Variants in VSNL1 observed in about 807,000 individuals in gnomAD.
VSNL1 encodes visinin-like protein 1.
VSNL1 carries 6 observed loss-of-function variants against 20.4 expected under a neutral mutation model. The ratio of observed to expected loss-of-function variants is 0.29; its 90% CI spans 0.16 to 0.58. VSNL1 has a LOEUF of 0.58. Among genes scored for constraint, VSNL1 ranks in the 20% least tolerant of loss-of-function variants. VSNL1 has a pLI of 0.90. For missense variants in VSNL1, 100 were observed against 234.5 expected, an observed-to-expected ratio of 0.43 and a Z score of 3.75; for synonymous variants, 93 against 86.4, an observed-to-expected ratio of 1.08 and a Z score of -0.42.
intron 1 of VSNL1, among the ~76,000 whole-genome samples, chr2:17,546,183 G>T (rs1177704548): frequency 6.6e-6 from 1 of 151,854 alleles, no homozygotes; most frequent in African/African-American, 2.4e-5. Flanking sequence ...TTTTTATGAG[G>T]CATTGCTTAT....
intron 1 of VSNL1, chr2:17,567,339 C>G (rs1441680857): frequency 7.2e-6 from 1 of 139,254 alleles, no homozygotes; most frequent in Non-Finnish European, 1.5e-5. Context: ...TAAAGAGAGT[C>G]TCATAGAGTC....
intron 2 of VSNL1, among the ~76,000 whole-genome samples, chr2:17,620,344 C>T (rs1665327513): frequency 6.6e-6 from 1 of 152,132 alleles, no homozygotes; most frequent in Non-Finnish European, 1.5e-5. Flanking sequence ...CTAAGTGGTT[C>T]ATTCTGGAAG....
chr2:17,564,989 T>G (rs1269647457), intron 1 of VSNL1, among the ~76,000 whole-genome samples: 1 of 152,208 alleles, frequency 6.6e-6, no homozygotes, highest in East Asian at 1.9e-4. Context: ...GAAATGTATT[T>G]TTTCCTAAAC....
chr2:17,655,499 AC>A lies in VSNL1; in HGVS notation c.*106del. The A allele has an allele frequency of 4.6e-6, 5 of 1,079,420 alleles. No homozygotes were observed. Among genetic ancestry groups the A allele is most frequent in the South Asian group, 3.1e-5 (2 of 63,790 alleles). The allele number at this position is 1,079,420 out of a possible 1,614,324, so 66.9% of individuals were successfully genotyped here. ...CACACACACACACACACACACACAC[AC>A]AAATATTGCTTGGACTACCTATAAA... On this transcript the variant is annotated 3_prime_UTR_variant, in exon 4 of 4. Transcript: ENST00000295156. The surrounding 1 kb of genome is among the most constrained non-coding windows in gnomAD (Gnocchi z 5.2).
At chr2:17,637,266 A>G (rs1665774309) in intron 2 of VSNL1, among the ~76,000 whole-genome samples, 1 of 152,216 alleles carries the variant, frequency 6.6e-6, no homozygotes, top group Non-Finnish European at 1.5e-5. Flanking sequence ...AAATATGGAA[A>G]TGTGCGAGAA....
intron 1 of VSNL1, among the ~76,000 whole-genome samples, chr2:17,559,610 G>A (rs1663766951): frequency 1.3e-5 from 2 of 152,128 alleles, no homozygotes; most frequent in South Asian, 4.1e-4. Context: ...GGGTAAACTA[G>A]AATTTATCTA....
chr2:17,572,643 G>C (rs1020790284), intron 1 of VSNL1, among the ~76,000 whole-genome samples: 2 of 152,208 alleles, frequency 1.3e-5, no homozygotes, highest in Non-Finnish European at 2.9e-5. Flanking sequence ...TCTATAGCTT[G>C]ATTGGAGTCA....
intron 1 of VSNL1, among the ~76,000 whole-genome samples, chr2:17,569,001 C>A (rs557555394): frequency 2.0e-5 from 3 of 152,108 alleles, no homozygotes; most frequent in Non-Finnish European, 4.4e-5. Flanking sequence ...TTTTCTTCAA[C>A]TTTTATGTTC....
intron 2 of VSNL1, among the ~76,000 whole-genome samples, chr2:17,645,075 G>GT (rs1448377201): frequency 6.6e-6 from 1 of 152,252 alleles, no homozygotes; most frequent in Non-Finnish European, 1.5e-5. Context: ...TACTCTTCTG[G>GT]TTTTTTGAAG....
intron 1 of VSNL1, among the ~76,000 whole-genome samples, chr2:17,583,390 T>C (rs1352512142): frequency 2.0e-5 from 3 of 152,242 alleles, no homozygotes; most frequent in Non-Finnish European, 4.4e-5. Flanking sequence ...TAGAACACAA[T>C]CTGTTGGACA....
chr2:17,576,261 C>T (rs1186067995), intron 1 of VSNL1, among the ~76,000 whole-genome samples: 3 of 152,182 alleles, frequency 2.0e-5, no homozygotes, highest in African/African-American at 4.8e-5. Flanking sequence ...ATTGCATTCA[C>T]AATTTTATGT....
intron 1 of VSNL1, among the ~76,000 whole-genome samples, chr2:17,557,556 T>TA (rs573349652): frequency 1.2e-3 from 180 of 152,270 alleles, no homozygotes; most frequent in African/African-American, 3.4e-3. Context: ...CTTGAAATAA[T>TA]AGACTCCAGG....
intron 2 of VSNL1, among the ~76,000 whole-genome samples, chr2:17,638,596 C>T (rs952114581): frequency 6.6e-6 from 1 of 152,168 alleles, no homozygotes; most frequent in Non-Finnish European, 1.5e-5. Flanking sequence ...CTACAGGACA[C>T]GATTAGAAAG....
intron 2 of VSNL1, among the ~76,000 whole-genome samples, chr2:17,615,056 A>G (rs747030378): frequency 3.6e-4 from 55 of 152,294 alleles, no homozygotes; most frequent in Middle Eastern, 3.4e-3. Context: ...TTTCTTAACT[A>G]CAGCTCCCAT....
intron 1 of VSNL1, among the ~76,000 whole-genome samples, chr2:17,556,712 A>C (rs537806846): frequency 6.6e-6 from 1 of 152,302 alleles, no homozygotes; most frequent in African/African-American, 2.4e-5. Flanking sequence ...TCTTAGGCTG[A>C]ACATTTCTTG....
chr2:17,625,473 T>C lies in VSNL1; in HGVS notation c.163-23937T>C, dbSNP rs144975598. ...TGATGAACTATTATCTCCTTTGTAA[T>C]AGTTGCTTTGACAGCATCTTGGCAA... On this transcript the variant is annotated intron_variant, in intron 2 of 3. Transcript: ENST00000295156. 3.8e-3 allele frequency among the ~76,000 whole-genome samples: 580 copies of C among 152,376 alleles called. 4 individuals are homozygous for C. Among genetic ancestry groups the C allele is most frequent in the Non-Finnish European group, 5.4e-3 (365 of 68,034 alleles).
chr2:17,593,318 A>G (rs1301130132), intron 2 of VSNL1, among the ~76,000 whole-genome samples: 1 of 152,238 alleles, frequency 6.6e-6, no homozygotes. Flanking sequence ...AAACAGTGGT[A>G]TATTTGAACA....
At chr2:17,653,181 G>C (rs764311227) in intron 3 of VSNL1, among the ~76,000 whole-genome samples, 1 of 152,188 alleles carries the variant, frequency 6.6e-6, no homozygotes, top group Non-Finnish European at 1.5e-5. Flanking sequence ...GTCTGCATCT[G>C]AAACGGCCCT....
intron 1 of VSNL1, among the ~76,000 whole-genome samples, chr2:17,550,501 G>C (rs62130449): frequency 0.029 from 4,460 of 152,286 alleles, 64 homozygotes; most frequent in Middle Eastern, 0.054. Flanking sequence ...CTTGTGGAAA[G>C]AAAAGCAACC....
Sources: gnomAD v4.1 joint callset for allele counts (sites outside exome capture counted in the v4.1 genomes callset) on GRCh38, gnomAD v4.1.1 for gene constraint, Gnocchi (gnomAD v3.1) non-coding constraint, MANE v1.5 for transcripts, NCBI Gene and HGNC (gene_info 2026-07-23, HGNC 2026-07-21) for gene names.